CNTN3: variants seen among roughly 807,000 people sequenced by gnomAD.
The protein encoded by CNTN3 is contactin 3.
A neutral mutation model predicts 119.1 loss-of-function variants in CNTN3; 60 were observed. That is an observed-to-expected ratio of 0.50 (90% CI 0.41 to 0.62). The LOEUF (loss-of-function observed/expected upper bound fraction) is 0.62, where lower values mean the gene tolerates loss of function less well. CNTN3 is among the 20% of genes least tolerant of loss of function. The probability of loss-of-function intolerance (pLI) is 0.00; values close to 1 mark genes in which losing one functional copy is unlikely to be tolerated. For synonymous variants in CNTN3, 450 were observed against 438.7 expected (o/e 1.03, Z -0.32); for missense variants, 1,101 against 1,242.4 (o/e 0.89, Z 1.71).
chr3:74,446,482 G>A lies in CNTN3; in HGVS notation c.359-21542C>T, dbSNP rs146215667. Among the ~76,000 whole-genome samples, 1,231 of 152,172 alleles carry A rather than the reference G, an allele frequency of 8.1e-3. 12 individuals carry two copies. Among genetic ancestry groups the A allele is most frequent in the Middle Eastern group, 0.041 (12 of 294 alleles). On this transcript the variant is annotated intron_variant, in intron 4 of 22. Coordinates refer to ENST00000263665, the MANE Select transcript of CNTN3 (RefSeq NM_020872.3). ...ATAAACCTTAGAGCTGTGCTGTCCA[G>A]TAAAGCAGCCACTAGCCACATGTGC... is the stretch of plus-strand genomic sequence containing the variant.
chr3:74,456,770 T>C lies in CNTN3; in HGVS notation c.358+29686A>G, dbSNP rs1575744795. Among the ~76,000 whole-genome samples, 9 of 152,236 alleles carry C rather than the reference T, an allele frequency of 5.9e-5. No homozygotes were observed. In the South Asian group the frequency reaches 1.9e-3, roughly 32 times the overall value. On this transcript the variant is annotated intron_variant, in intron 4 of 22. Transcript: ENST00000263665. ...AAAAATTGCTGTGATTTTTCCTTGT[T>C]ATGACTTAGCTCAAAACTTTTTTGG...
At chr3:74,433,182 G>C (rs546866322) in intron 4 of CNTN3, among the ~76,000 whole-genome samples, 5 of 152,210 alleles carry the variant, frequency 3.3e-5, no homozygotes, top group African/African-American at 9.6e-5. Flanking sequence ...TTGAAAGATG[G>C]GAGTCGGGGG....
At chr3:74,554,485 G>C (rs990338774) in intron 1 of CNTN3, among the ~76,000 whole-genome samples, 1 of 151,866 alleles carries the variant, frequency 6.6e-6, no homozygotes, top group Non-Finnish European at 1.5e-5. Flanking sequence ...GGGATAGCAT[G>C]GAATCTATAA....
At chr3:74,274,760 A>C (rs969067509) in intron 20 of CNTN3, among the ~76,000 whole-genome samples, 10 of 152,262 alleles carry the variant, frequency 6.6e-5, no homozygotes, top group South Asian at 6.2e-4. Flanking sequence ...AACAACCCCC[A>C]AAAATCATAC....
chr3:74,278,777 G>C (rs1382786754), intron 20 of CNTN3, among the ~76,000 whole-genome samples: 3 of 152,064 alleles, frequency 2.0e-5, no homozygotes, highest in African/African-American at 2.4e-5. Context: ...TTAAACTAAA[G>C]AGCTTTTGCA....
chr3:74,293,692 C>T (rs751316406), intron 19 of CNTN3, among the ~76,000 whole-genome samples: 21 of 152,244 alleles, frequency 1.4e-4, no homozygotes, highest in Non-Finnish European at 2.2e-4. Context: ...CCAGGCCAGT[C>T]GTGAAATCCT....
intron 13 of CNTN3, among the ~76,000 whole-genome samples, chr3:74,314,329 C>T (rs1333755418): frequency 6.6e-6 from 1 of 152,040 alleles, no homozygotes; most frequent in Non-Finnish European, 1.5e-5. Flanking sequence ...ACTTGAATAT[C>T]TATAATCTAA....
At chr3:74,549,902 A>G (rs979986631) in intron 1 of CNTN3, among the ~76,000 whole-genome samples, 2 of 152,222 alleles carry the variant, frequency 1.3e-5, no homozygotes, top group East Asian at 1.9e-4. Context: ...GAACAGGCAC[A>G]TGCCATCTGC....
intron 1 of CNTN3, among the ~76,000 whole-genome samples, chr3:74,577,970 T>C (rs35723648): frequency 0.27 from 40,765 of 152,026 alleles, 6,777 homozygotes; most frequent in Non-Finnish European, 0.38. Flanking sequence ...AAAGGAGATA[T>C]ATTTATTTCA....
At chr3:74,494,813 G>C (rs1360947742) in intron 3 of CNTN3, among the ~76,000 whole-genome samples, 1 of 152,060 alleles carries the variant, frequency 6.6e-6, no homozygotes, top group African/African-American at 2.4e-5. Context: ...CGTTAAAGGT[G>C]TCTTCACTTT....
intron 20 of CNTN3, among the ~76,000 whole-genome samples, chr3:74,271,138 A>G (rs1055940091): frequency 6.6e-6 from 1 of 152,210 alleles, no homozygotes; most frequent in Non-Finnish European, 1.5e-5. Context: ...AGTGATTACT[A>G]TCATATAACC....
chr3:74,416,702 G>A (rs1701528040), intron 5 of CNTN3, among the ~76,000 whole-genome samples: 1 of 151,974 alleles, frequency 6.6e-6, no homozygotes, highest in Admixed American at 6.6e-5. Context: ...GAAAGCAACT[G>A]ACCAGCTGGG....
Position 74,364,585 on chromosome 3 carries a change from C to G in CNTN3, c.1095G>C (p.Gln365His). ...GAALVLEERTQIENGALTISN... is the reference protein window; with the variant it reads ...GAALVLEERTHIENGALTISN... ...ATATTGTAAGGGCACCATTTTCTAT[C>G]TGTGTTCTCTCCTAGATGATAATAA... is the stretch of plus-strand genomic sequence containing the variant. Residue 365 changes from glutamine to histidine, a missense_variant, in exon 10 of 23, where the codon CAG (glutamine) becomes CAC (histidine). Gln to His is a conservative substitution (Grantham distance 24, BLOSUM62 0). Coordinates refer to ENST00000263665, the MANE Select transcript of CNTN3 (RefSeq NM_020872.3). 2 of 1,606,010 alleles carry G rather than the reference C, an allele frequency of 1.2e-6. No individual in the cohort carries two copies. Among genetic ancestry groups the G allele is most frequent in the South Asian group, 1.1e-5 (1 of 90,862 alleles).
intron 1 of CNTN3, among the ~76,000 whole-genome samples, chr3:74,594,956 C>T (rs1435853993): frequency 1.3e-5 from 2 of 152,144 alleles, no homozygotes; most frequent in Non-Finnish European, 2.9e-5. Context: ...TCTCCAGCAC[C>T]TGTTGTTTCC....
chr3:74,440,730 G>A (rs1170772736), intron 4 of CNTN3, among the ~76,000 whole-genome samples: 1 of 152,062 alleles, frequency 6.6e-6, no homozygotes, highest in Non-Finnish European at 1.5e-5. Flanking sequence ...GTATACATGT[G>A]CCATGGTGGT....
intron 2 of CNTN3, among the ~76,000 whole-genome samples, chr3:74,509,809 A>G (rs956802477): frequency 6.6e-6 from 1 of 151,956 alleles, no homozygotes; most frequent in African/African-American, 2.4e-5. Flanking sequence ...ATCCTCCCTC[A>G]TTATCTCCCT....
chr3:74,301,859 C>T, intron 14 of CNTN3, 54 bp from the exon 15 acceptor site: 1 of 1,572,720 alleles, frequency 6.4e-7, no homozygotes, highest in Non-Finnish European at 8.7e-7. Context: ...ATGTCATCCT[C>T]TCCTATCAAA....
At chr3:74,314,175 G>A (rs1381041552) in intron 13 of CNTN3, among the ~76,000 whole-genome samples, 2 of 151,874 alleles carry the variant, frequency 1.3e-5, no homozygotes, top group African/African-American at 2.4e-5. Flanking sequence ...GCTATGAAAT[G>A]AGAAAAAAAG....
At chr3:74,503,888 A>G (rs931514111) in intron 2 of CNTN3, among the ~76,000 whole-genome samples, 3 of 152,176 alleles carry the variant, frequency 2.0e-5, no homozygotes, top group East Asian at 1.9e-4. Flanking sequence ...CAAAAATCCA[A>G]TCCTAAGGTG....
Sources: gnomAD v4.1 joint callset for allele counts (sites outside exome capture counted in the v4.1 genomes callset) on GRCh38, gnomAD v4.1.1 for gene constraint, MANE v1.5 for transcripts, NCBI Gene and HGNC (gene_info 2026-07-23, HGNC 2026-07-21) for gene names.